The following LRRTM3 variants were observed in gnomAD, a reference collection of about 807,000 sequenced individuals.
The protein encoded by LRRTM3 is leucine-rich repeat transmembrane neuronal protein 3.
In LRRTM3, 24 loss-of-function variants were observed where a neutral mutation model predicts 44.7. The observed-to-expected ratio is 0.54, with a 90% confidence interval of 0.39 to 0.76. LRRTM3 has a LOEUF of 0.76. Among genes scored for constraint, LRRTM3 ranks in the 30% least tolerant of loss-of-function variants. The pLI is 0.00. For missense variants in LRRTM3, 587 were observed against 702.2 expected (o/e 0.84, Z 1.85); for synonymous variants, 277 against 278.7 (o/e 0.99, Z 0.06).
At position 66,931,367 on chromosome 10, in the gene LRRTM3, C is replaced by T. The variant is rs374735968; in HGVS notation, c.1536+2915C>T. On this transcript the variant is annotated intron_variant, in intron 2 of 2. Coordinates refer to ENST00000361320, the MANE Select transcript of LRRTM3 (RefSeq NM_178011.5). Reference sequence around the variant, plus strand: ...CTACCACAGCATGTAGTTAAATAGTCCCAGTGCCACAGTCTTGTAAGCAAT... The same window carrying T: ...CTACCACAGCATGTAGTTAAATAGTTCCAGTGCCACAGTCTTGTAAGCAAT... Among the ~76,000 whole-genome samples, 28 of 152,212 alleles carry T rather than the reference C, an allele frequency of 1.8e-4. No homozygotes were observed. In the East Asian group the frequency reaches 3.7e-3, roughly 20 times the overall value.
intron 2 of LRRTM3, among the ~76,000 whole-genome samples, chr10:67,060,889 A>G (rs1855720069): frequency 6.6e-6 from 1 of 152,188 alleles, no homozygotes; most frequent in Admixed American, 6.5e-5. Context: ...GTTTTTTTAA[A>G]TTGTTTTTGA....
intron 2 of LRRTM3, among the ~76,000 whole-genome samples, chr10:67,031,868 G>A (rs1252897010): frequency 6.6e-6 from 1 of 151,954 alleles, no homozygotes; most frequent in African/African-American, 2.4e-5. Flanking sequence ...TCTTTTATTG[G>A]GCCACAAAAC....
intron 2 of LRRTM3, among the ~76,000 whole-genome samples, chr10:66,929,864 A>G (rs1182882361): frequency 6.6e-6 from 1 of 152,198 alleles, no homozygotes; most frequent in Non-Finnish European, 1.5e-5. Context: ...TTAGAAAGAT[A>G]TATTTAGTCT....
chr10:66,980,399 T>A lies in LRRTM3; in HGVS notation c.1536+51947T>A, dbSNP rs972406545. Among the ~76,000 whole-genome samples the A allele has an allele frequency of 3.9e-5, 6 of 152,284 alleles. No homozygotes were observed. In the South Asian group the frequency reaches 6.2e-4, roughly 16 times the overall value. On this transcript the variant is annotated intron_variant, in intron 2 of 2. Coordinates refer to ENST00000361320, the MANE Select transcript of LRRTM3 (RefSeq NM_178011.5). ...CTATATAGGGAAGCCATCTTCTGGC[T>A]CACACAGAGAAAAGAGAACCCTGGC...
chr10:67,074,799 T>A (rs1415487212), intron 2 of LRRTM3, among the ~76,000 whole-genome samples: 1 of 151,240 alleles, frequency 6.6e-6, no homozygotes, highest in Admixed American at 6.6e-5. Context: ...CTTAATATTA[T>A]GAACATAACA....
At chr10:67,011,130 C>A (rs574047674) in intron 2 of LRRTM3, among the ~76,000 whole-genome samples, 20 of 152,152 alleles carry the variant, frequency 1.3e-4, no homozygotes, top group African/African-American at 4.6e-4. Context: ...GGGGTCAAGA[C>A]CATCCTGGCT....
intron 2 of LRRTM3, among the ~76,000 whole-genome samples, chr10:67,019,688 C>T (rs1323735762): frequency 6.6e-6 from 1 of 152,076 alleles, no homozygotes; most frequent in Non-Finnish European, 1.5e-5. Context: ...TGGAGGTCTC[C>T]CTATGTAATG....
chr10:66,990,204 C>T (rs1037063479), intron 2 of LRRTM3, among the ~76,000 whole-genome samples: 1 of 152,098 alleles, frequency 6.6e-6, no homozygotes, highest in Non-Finnish European at 1.5e-5. Context: ...GGTTCTCTTC[C>T]ATGGCAAAAG....
At chr10:67,017,889 C>G (rs1045558761) in intron 2 of LRRTM3, among the ~76,000 whole-genome samples, 1 of 152,102 alleles carries the variant, frequency 6.6e-6, no homozygotes, top group African/African-American at 2.4e-5. Flanking sequence ...CCTGCCTCAG[C>G]CTCCCAAGTA....
In LRRTM3 at chr10:67,099,177, A is replaced by G. The variant is rs1196201721; in HGVS notation, c.*1381A>G. On this transcript the variant is annotated 3_prime_UTR_variant, in exon 3 of 3. Transcript: ENST00000361320. ...CCAGCCCAGATCATATATTGATTAT[A>G]CAATTGTATTATAAAGTTCATTCAA... The G allele has an allele frequency of 6.6e-6, 1 of 151,864 alleles. No homozygotes were observed. Among genetic ancestry groups the G allele is most frequent in the African/African-American group, 2.4e-5 (1 of 41,414 alleles). 9.4% of individuals were successfully genotyped at this position (151,864 alleles called of 1,614,324 possible). A position where few individuals can be genotyped will look rare whatever the true frequency, so the allele number is the denominator to read the frequency against.
intron 2 of LRRTM3, among the ~76,000 whole-genome samples, chr10:67,023,226 G>A (rs1853141528): frequency 6.6e-6 from 1 of 152,122 alleles, no homozygotes; most frequent in South Asian, 2.1e-4. Flanking sequence ...ATAGTATCAA[G>A]ATCAATTCTC....
At chr10:67,075,767 G>A (rs1338165991) in intron 2 of LRRTM3, among the ~76,000 whole-genome samples, 1 of 152,180 alleles carries the variant, frequency 6.6e-6, no homozygotes, top group Non-Finnish European at 1.5e-5. Flanking sequence ...CTTGGCAAAT[G>A]AGGCTAAAAA....
At chr10:66,955,128 CT>C (rs1848721248) in intron 2 of LRRTM3, among the ~76,000 whole-genome samples, 1 of 152,086 alleles carries the variant, frequency 6.6e-6, no homozygotes. Flanking sequence ...AAGTCAGAAA[CT>C]TTTCCTAGGT....
intron 2 of LRRTM3, among the ~76,000 whole-genome samples, chr10:67,039,857 G>A (rs957938090): frequency 2.0e-5 from 3 of 152,088 alleles, no homozygotes; most frequent in South Asian, 2.1e-4. Context: ...TTCCAAGACC[G>A]TTACAGATTA....
chr10:67,026,061 G>C (rs1159814941), intron 2 of LRRTM3, among the ~76,000 whole-genome samples: 1 of 147,154 alleles, frequency 6.8e-6, no homozygotes, highest in Non-Finnish European at 1.5e-5. Flanking sequence ...TGAACAATGA[G>C]AACACATGGA....
At chr10:66,966,948 A>T (rs541566677) in intron 2 of LRRTM3, among the ~76,000 whole-genome samples, 4 of 152,078 alleles carry the variant, frequency 2.6e-5, no homozygotes, top group East Asian at 3.9e-4. Flanking sequence ...TAGAAGAGAA[A>T]TTTTTTGTAT....
intron 2 of LRRTM3, among the ~76,000 whole-genome samples, chr10:67,027,584 G>A (rs1316527788): frequency 2.0e-5 from 3 of 151,640 alleles, no homozygotes; most frequent in East Asian, 1.9e-4. Flanking sequence ...AAACATGTGC[G>A]CCACCATGCC....
chr10:66,942,444 AT>A (rs1848047068), intron 2 of LRRTM3, among the ~76,000 whole-genome samples: 1 of 152,122 alleles, frequency 6.6e-6, no homozygotes, highest in Non-Finnish European at 1.5e-5. Context: ...TGTTGTTAGT[AT>A]TGTGTTTCTT....
intron 2 of LRRTM3, among the ~76,000 whole-genome samples, chr10:66,995,711 T>C (rs1335310200): frequency 6.6e-6 from 1 of 152,184 alleles, no homozygotes; most frequent in African/African-American, 2.4e-5. Flanking sequence ...TTTGTAGCTT[T>C]GCTTACACTG....
Sources: gnomAD v4.1 joint callset for allele counts (sites outside exome capture counted in the v4.1 genomes callset) on GRCh38, gnomAD v4.1.1 for gene constraint, MANE v1.5 for transcripts, NCBI Gene and HGNC (gene_info 2026-07-23, HGNC 2026-07-21) for gene names.